The following CNTNAP2 variants were observed in gnomAD, a reference collection of about 807,000 sequenced individuals.
The protein encoded by CNTNAP2 is contactin-associated protein-like 2.
Under a neutral mutation model 155.2 loss-of-function variants are expected in CNTNAP2, and 98 were observed. That is an observed-to-expected ratio of 0.63 (90% CI 0.54 to 0.75). CNTNAP2 has a LOEUF of 0.75. CNTNAP2 is among the 30% of genes least tolerant of loss of function. The probability of loss-of-function intolerance (pLI) is 0.00; values close to 1 mark genes in which losing one functional copy is unlikely to be tolerated. For synonymous variants in CNTNAP2, 651 were observed against 631.2 expected (o/e 1.03, Z -0.47); for missense variants, 1,727 against 1,688.1 (o/e 1.02, Z -0.40).
chr7:146,939,007 A>G (rs1796987886), intron 3 of CNTNAP2, among the ~76,000 whole-genome samples: 1 of 152,078 alleles, frequency 6.6e-6, no homozygotes. Context: ...CTGTAGGACA[A>G]ATGGAAACCT....
At chr7:147,711,617 T>G (rs1380469541) in intron 13 of CNTNAP2, among the ~76,000 whole-genome samples, 1 of 152,178 alleles carries the variant, frequency 6.6e-6, no homozygotes, top group African/African-American at 2.4e-5. Flanking sequence ...AGAAAACAGC[T>G]GCCAGAGCAG....
chr7:146,673,947 C>T (rs557476794), intron 1 of CNTNAP2, among the ~76,000 whole-genome samples: 21 of 152,312 alleles, frequency 1.4e-4, no homozygotes, highest in African/African-American at 4.6e-4. Context: ...GTCCTACTTA[C>T]ATTCTGTACA....
intron 1 of CNTNAP2, among the ~76,000 whole-genome samples, chr7:146,507,878 G>A (rs569506300): frequency 4.6e-5 from 7 of 152,192 alleles, no homozygotes; most frequent in South Asian, 4.2e-4. Context: ...GTCTATTGTC[G>A]CCCTTTCCAT....
intron 4 of CNTNAP2, among the ~76,000 whole-genome samples, chr7:147,053,095 T>C (rs1799501089): frequency 6.6e-6 from 1 of 152,100 alleles, no homozygotes; most frequent in South Asian, 2.1e-4. Flanking sequence ...GGTCTGTACA[T>C]ATAAATATTA....
intron 13 of CNTNAP2, among the ~76,000 whole-genome samples, chr7:147,727,706 A>G (rs1032467587): frequency 6.6e-6 from 1 of 151,192 alleles, no homozygotes; most frequent in Admixed American, 6.6e-5. Context: ...ACTAAGCAGC[A>G]TCATAGCTAG....
At chr7:148,147,406 C>G in intron 16 of CNTNAP2, 85 bp from the exon 17 acceptor site, 1 of 1,339,532 alleles carries the variant, frequency 7.5e-7, no homozygotes, top group Non-Finnish European at 1.1e-6. Context: ...TTTCCTCTCC[C>G]TGCTTTGTTT....
chr7:147,033,493 G>A (rs1799084882), intron 3 of CNTNAP2, among the ~76,000 whole-genome samples: 2 of 151,608 alleles, frequency 1.3e-5, no homozygotes, highest in South Asian at 2.1e-4. Flanking sequence ...AGTCTAGCAT[G>A]CTCTATTTTT....
chr7:148,177,259 G>A (rs1281829141), intron 18 of CNTNAP2, among the ~76,000 whole-genome samples: 4 of 152,130 alleles, frequency 2.6e-5, no homozygotes, highest in African/African-American at 4.8e-5. Flanking sequence ...GTCATACTAG[G>A]AGGTTGGCCC....
At chr7:147,624,836 C>T (rs1794939528) in intron 12 of CNTNAP2, among the ~76,000 whole-genome samples, 1 of 152,010 alleles carries the variant, frequency 6.6e-6, no homozygotes, top group Non-Finnish European at 1.5e-5. Context: ...TTCACAATAG[C>T]CAAGATTTGG....
chr7:147,424,604 A>G (rs534512460), intron 10 of CNTNAP2, among the ~76,000 whole-genome samples: 1 of 151,914 alleles, frequency 6.6e-6, no homozygotes, highest in Admixed American at 6.6e-5. Flanking sequence ...TCCCTAGGAG[A>G]TCTCATTCAA....
chr7:146,395,078 C>CTTTG (rs1266707007), intron 1 of CNTNAP2, among the ~76,000 whole-genome samples: 1 of 152,150 alleles, frequency 6.6e-6, no homozygotes, highest in Non-Finnish European at 1.5e-5. Flanking sequence ...TTCTTTCTTT[C>CTTTG]TTATGGCCGA....
chr7:147,142,287 T>C (rs1350232262), intron 8 of CNTNAP2, among the ~76,000 whole-genome samples: 1 of 152,110 alleles, frequency 6.6e-6, no homozygotes, highest in Non-Finnish European at 1.5e-5. Context: ...GCATGAAGTG[T>C]TGTTGAATTT....
intron 3 of CNTNAP2, among the ~76,000 whole-genome samples, chr7:146,965,553 G>A (rs866310953): frequency 1.3e-5 from 2 of 151,948 alleles, no homozygotes; most frequent in African/African-American, 4.8e-5. Context: ...GTACTAAATA[G>A]GAGTAAAGGT....
intron 2 of CNTNAP2, among the ~76,000 whole-genome samples, chr7:146,798,763 C>T (rs918086904): frequency 6.6e-6 from 1 of 151,996 alleles, no homozygotes; most frequent in Non-Finnish European, 1.5e-5. Flanking sequence ...TTTTTTGGTG[C>T]ATTCTGTAGT....
At chr7:147,390,021 A>C (rs1419139243) in intron 9 of CNTNAP2, among the ~76,000 whole-genome samples, 1 of 152,150 alleles carries the variant, frequency 6.6e-6, no homozygotes. Flanking sequence ...GCTTTGGAGT[A>C]GTCACTGAAG....
chr7:147,347,054 G>A (rs1230258216), intron 9 of CNTNAP2, among the ~76,000 whole-genome samples: 1 of 152,086 alleles, frequency 6.6e-6, no homozygotes, highest in African/African-American at 2.4e-5. Context: ...GGAGCCTATT[G>A]TTTAGTGGAA....
At chr7:148,026,443 C>T (rs1400067593) in intron 15 of CNTNAP2, among the ~76,000 whole-genome samples, 1 of 151,936 alleles carries the variant, frequency 6.6e-6, no homozygotes, top group Non-Finnish European at 1.5e-5. Context: ...AGAACAAGAC[C>T]CCGTCTCAAA....
intron 16 of CNTNAP2, among the ~76,000 whole-genome samples, chr7:148,127,362 G>T (rs943955855): frequency 1.4e-4 from 21 of 152,156 alleles, no homozygotes; most frequent in Non-Finnish European, 2.4e-4. Flanking sequence ...TGAAGGAAAA[G>T]CTCACTGAGT....
chr7:146,241,224 G>A (rs1322359538), intron 1 of CNTNAP2, among the ~76,000 whole-genome samples: 2 of 152,100 alleles, frequency 1.3e-5, no homozygotes, highest in African/African-American at 2.4e-5. Flanking sequence ...TACATCAGGA[G>A]GTAAGGCATT....
Sources: allele counts gnomAD v4.1 joint callset (sites outside exome capture counted in the v4.1 genomes callset), GRCh38; gene constraint gnomAD v4.1.1; transcripts MANE v1.5; gene names NCBI Gene and HGNC (gene_info 2026-07-23, HGNC 2026-07-21).